HTT: variants seen among roughly 807,000 people sequenced by gnomAD.
HTT encodes the protein huntingtin.
Under a neutral mutation model 362.3 loss-of-function variants are expected in HTT, and 104 were observed. The ratio of observed to expected loss-of-function variants is 0.29; its 90% CI spans 0.24 to 0.34. The LOEUF (loss-of-function observed/expected upper bound fraction) is 0.34, where lower values mean the gene tolerates loss of function less well. Among genes scored for constraint, HTT ranks in the 10% least tolerant of loss-of-function variants. The pLI is 1.00. For missense variants in HTT, 3,301 were observed against 3,928.6 expected (o/e 0.84, Z 4.27); for synonymous variants, 1,577 against 1,548.7 (o/e 1.02, Z -0.43).
rs1721867941 is a variant in HTT, at chr4:3,242,807, A to G, written c.*2748A>G. The G allele has an allele frequency of 6.6e-6, 1 of 152,228 alleles. No homozygotes were observed. Among genetic ancestry groups the G allele is most frequent in the South Asian group, 2.1e-4 (1 of 4,830 alleles). The allele number at this position is 152,228 out of a possible 1,614,324, so 9.4% of individuals were successfully genotyped here. ...GGAAAGATTTTAATGAAACCAGGGTAGAATTGTTTGGCAATGCACTGAAGC... is the reference window on the plus strand; with the variant it reads ...GGAAAGATTTTAATGAAACCAGGGTGGAATTGTTTGGCAATGCACTGAAGC... On this transcript the variant is annotated 3_prime_UTR_variant, in exon 67 of 67. Transcript: ENST00000355072.
At chr4:3,153,399 A>G (rs887914484) in intron 26 of HTT, among the ~76,000 whole-genome samples, 6 of 152,170 alleles carry the variant, frequency 3.9e-5, no homozygotes, top group South Asian at 2.1e-4. Context: ...TAGGACCTCA[A>G]TTCCACATGT....
chr4:3,127,209 C>T, intron 11 of HTT, 55 bp from the exon 12 acceptor site: 1 of 1,294,832 alleles, frequency 7.7e-7, no homozygotes. Flanking sequence ...GCCTGTGATT[C>T]CCTATTGAAT....
Position 3,174,806 on chromosome 4 carries a change from G to C in HTT, c.4245+7G>C. Reference sequence around the variant, plus strand: ...AAAGAACCGTGCAGATAAGGTAAATGGTGCCGTTTGTGGCATGTGAACTCA... The same window carrying C: ...AAAGAACCGTGCAGATAAGGTAAATCGTGCCGTTTGTGGCATGTGAACTCA... On this transcript the variant is annotated splice_region_variant and intron_variant, in intron 32 of 66. Transcript: ENST00000355072. The C allele has an allele frequency of 6.2e-7, 1 of 1,613,528 alleles. No individual in the cohort carries two copies. Among genetic ancestry groups the C allele is most frequent in the South Asian group, 1.1e-5 (1 of 91,008 alleles).
intron 52 of HTT, 32 bp from the exon 53 acceptor site, chr4:3,220,150 C>T (rs1180399275): frequency 6.2e-6 from 10 of 1,613,266 alleles, no homozygotes; most frequent in Non-Finnish European, 8.5e-6. Context: ...TGACTCAACT[C>T]GGATGATGTC....
chr4:3,192,290 C>T lies in HTT; in HGVS notation c.5368+3197C>T, dbSNP rs557176895. On this transcript the variant is annotated intron_variant, in intron 40 of 66. Coordinates refer to ENST00000355072, the MANE Select transcript of HTT (RefSeq NM_001388492.1). ...TGGAAGTCTTGCTGTGTTGCCCAGG[C>T]GGGTCTTTAACTCTTAGCTTCAGGC... is the stretch of plus-strand genomic sequence containing the variant. Among the ~76,000 whole-genome samples the T allele has an allele frequency of 4.6e-5, 7 of 152,170 alleles. 1 individual carries two copies. In the South Asian group the frequency reaches 6.2e-4, roughly 14 times the overall value.
chr4:3,146,440 TTC>T (rs1371263319), intron 24 of HTT, among the ~76,000 whole-genome samples: 1 of 152,166 alleles, frequency 6.6e-6, no homozygotes, highest in Non-Finnish European at 1.5e-5. Flanking sequence ...CCCCAGCCAA[TTC>T]TCTTTTATTT....
intron 38 of HTT, among the ~76,000 whole-genome samples, 172 bp downstream of exon 38, chr4:3,186,891 C>G (rs1429678446): frequency 7.0e-6 from 1 of 143,062 alleles, no homozygotes; most frequent in East Asian, 2.1e-4. Context: ...CAGAGTCTCA[C>G]TCTGTCGCCC....
chr4:3,152,943 G>C (rs1356008015), intron 26 of HTT, among the ~76,000 whole-genome samples: 1 of 151,802 alleles, frequency 6.6e-6, no homozygotes, highest in Non-Finnish European at 1.5e-5. Context: ...GAGCCACCAT[G>C]CCCGGCTAAC....
Position 3,173,101 on chromosome 4 carries a change from T to C in HTT, c.4136T>C (p.Val1379Ala), listed in dbSNP as rs1271075240. ...ALADASLRNMVQAEQENDTSG... is the reference protein window; with the variant it reads ...ALADASLRNMAQAEQENDTSG... ...GCTGACGCCAGCCTGAGGAACATGGTGCAGGCGGAGCAGGAGAACGACACC... is the reference window on the plus strand; with the variant it reads ...GCTGACGCCAGCCTGAGGAACATGGCGCAGGCGGAGCAGGAGAACGACACC... Residue 1379 changes from valine (V) to alanine (A), a missense_variant, in exon 31 of 67, where the codon GTG (valine) becomes GCG (alanine). By Grantham distance (64) the Val-to-Ala change is moderately conservative. Around this residue, in one of 4 missense-constraint regions of HTT, gnomAD observed 2,316 missense variants for 2,658.5 expected, o/e 0.87. Transcript: ENST00000355072. 4.3e-6 allele frequency: 7 copies of C among 1,614,036 alleles called. No individual in the cohort carries two copies. The South Asian group carries it at 5.5e-5, about 13-fold the overall frequency.
intron 27 of HTT, among the ~76,000 whole-genome samples, chr4:3,156,516 T>A (rs1240623850): frequency 6.6e-6 from 1 of 152,214 alleles, no homozygotes; most frequent in Admixed American, 6.5e-5. Context: ...AGTGTAAAAT[T>A]ATCAGTATAT....
At chr4:3,104,725 C>A (rs1243635873) in intron 4 of HTT, among the ~76,000 whole-genome samples, 1 of 152,066 alleles carries the variant, frequency 6.6e-6, no homozygotes, top group Non-Finnish European at 1.5e-5. Context: ...CCAGCATGGG[C>A]AACATGGCAA....
chr4:3,195,901 TG>T (rs1176871584), intron 40 of HTT, among the ~76,000 whole-genome samples: 1 of 152,160 alleles, frequency 6.6e-6, no homozygotes, highest in Admixed American at 6.5e-5. Context: ...GTGACAGGCA[TG>T]CCTTTGCTGG....
intron 8 of HTT, among the ~76,000 whole-genome samples, 169 bp from the exon 9 acceptor site, chr4:3,121,059 C>G (rs1374909877): frequency 6.6e-6 from 1 of 152,076 alleles, no homozygotes; most frequent in Non-Finnish European, 1.5e-5. Context: ...ATTTAGAAAA[C>G]AACATGGAAG....
Position 3,134,319 on chromosome 4 carries a change from A to G in HTT, c.2494-82A>G, listed in dbSNP as rs1177920864. The G allele has an allele frequency of 8.1e-6, 10 of 1,230,498 alleles. No homozygotes were observed. The African/African-American group carries it at 1.2e-4, about 15-fold the overall frequency. The allele number at this position is 1,230,498 out of a possible 1,614,324, so 76.2% of individuals were successfully genotyped here. On this transcript the variant is annotated intron_variant, in intron 18 of 66. Transcript: ENST00000355072. ...AAACCCAGAACATTGTGTGTTGAAG[A>G]GTGACGGTTCTCAAACCGTCAAGAC...
intron 31 of HTT, 120 bp from the exon 32 acceptor site, chr4:3,174,601 A>G (rs1005636404): frequency 2.5e-5 from 18 of 728,778 alleles, no homozygotes; most frequent in South Asian, 1.7e-4. Context: ...TTGTTTCTCA[A>G]TCTGACACGT....
intron 2 of HTT, among the ~76,000 whole-genome samples, chr4:3,090,568 A>G (rs929088831): frequency 6.6e-6 from 1 of 152,262 alleles, no homozygotes; most frequent in African/African-American, 2.4e-5. Flanking sequence ...TTAAAGATCT[A>G]GTTCACAGTA....
intron 26 of HTT, among the ~76,000 whole-genome samples, chr4:3,149,971 T>C (rs1228533527): frequency 6.6e-6 from 1 of 152,214 alleles, no homozygotes; most frequent in Admixed American, 6.5e-5. Context: ...TTTCCCTCTT[T>C]GTATCCTGCA....
At chr4:3,134,344 C>T (rs557265392) in intron 18 of HTT, 57 bp from the exon 19 acceptor site, 14 of 1,523,720 alleles carry the variant, frequency 9.2e-6, no homozygotes, top group Admixed American at 1.9e-5. Context: ...ACCGTCAAGA[C>T]GCGGGTACTG....
chr4:3,096,553 A>G (rs998249000), intron 2 of HTT, among the ~76,000 whole-genome samples: 1 of 152,268 alleles, frequency 6.6e-6, no homozygotes, highest in Non-Finnish European at 1.5e-5. Context: ...GGAATATATT[A>G]TAGGAAGATA....
Sources: allele counts gnomAD v4.1 joint callset (sites outside exome capture counted in the v4.1 genomes callset), GRCh38; gene constraint gnomAD v4.1.1; regional missense constraint gnomAD v4.1.1; transcripts MANE v1.5; gene names NCBI Gene and HGNC (gene_info 2026-07-23, HGNC 2026-07-21).